The following VSNL1 variants were observed in gnomAD, a reference collection of about 807,000 sequenced individuals.
The protein encoded by VSNL1 is visinin like 1, also known as visinin-like protein 1.
A neutral mutation model predicts 20.4 loss-of-function variants in VSNL1; 6 were observed. That is an observed-to-expected ratio of 0.29 (90% confidence interval 0.16 to 0.58). The LOEUF is 0.58. Among genes scored for constraint, VSNL1 ranks in the 20% least tolerant of loss-of-function variants. The pLI is 0.90. For missense variants in VSNL1, 100 were observed against 234.5 expected (o/e 0.43, Z 3.75); for synonymous variants, 93 against 86.4 (o/e 1.08, Z -0.42).
rs576407436 is a variant in VSNL1 at position 17,634,845 on chromosome 2, C to A, written c.163-14565C>A. Among the ~76,000 whole-genome samples the A allele has an allele frequency of 6.6e-6, 1 of 152,276 alleles. No homozygotes were observed. Among genetic ancestry groups the A allele is most frequent in the Non-Finnish European group, 1.5e-5 (1 of 68,028 alleles). On this transcript the variant is annotated intron_variant, in intron 2 of 3. Coordinates refer to ENST00000295156, the MANE Select transcript of VSNL1 (RefSeq NM_003385.5). This position sits in a 1 kb window ranked among gnomAD's most constrained non-coding sequence, Gnocchi z 4.3. ...GGAACCCCTCAAACCCCAGCCAGAGCCTCCTTGTCCCATGGGTCCCGCTGC... is the reference window on the plus strand; with the variant it reads ...GGAACCCCTCAAACCCCAGCCAGAGACTCCTTGTCCCATGGGTCCCGCTGC...
At chr2:17,605,225 G>C (rs1383605121) in intron 2 of VSNL1, among the ~76,000 whole-genome samples, 1 of 152,230 alleles carries the variant, frequency 6.6e-6, no homozygotes, top group Non-Finnish European at 1.5e-5. Context: ...TGGCACTGCT[G>C]TCTGATTATG....
At chr2:17,569,311 AAAAAAT>A (rs1664027255) in intron 1 of VSNL1, among the ~76,000 whole-genome samples, 1 of 151,592 alleles carries the variant, frequency 6.6e-6, no homozygotes, top group African/African-American at 2.4e-5. Context: ...TGTCTCAAAA[AAAAAAT>A]AAAAATAAAA....
intron 2 of VSNL1, among the ~76,000 whole-genome samples, chr2:17,626,956 G>T (rs1357729367): frequency 6.6e-6 from 1 of 152,218 alleles, no homozygotes; most frequent in Non-Finnish European, 1.5e-5. Context: ...TCTGGGTGGG[G>T]TTGCCCCAAG....
At chr2:17,547,687 C>T (rs1246042107) in intron 1 of VSNL1, among the ~76,000 whole-genome samples, 1 of 152,032 alleles carries the variant, frequency 6.6e-6, no homozygotes, top group Non-Finnish European at 1.5e-5. Flanking sequence ...CAGATTTTCT[C>T]TTATTCCTTC....
chr2:17,650,671 A>G (rs965952004), intron 3 of VSNL1, among the ~76,000 whole-genome samples: 1 of 152,192 alleles, frequency 6.6e-6, no homozygotes, highest in Non-Finnish European at 1.5e-5. Flanking sequence ...GGATCCCCAC[A>G]AGAAAATGGG....
intron 1 of VSNL1, among the ~76,000 whole-genome samples, chr2:17,568,424 T>C (rs1035302076): frequency 2.0e-5 from 3 of 152,150 alleles, no homozygotes; most frequent in Admixed American, 1.3e-4. Context: ...CATGCCACTA[T>C]GCCAGACAAG....
chr2:17,602,106 C>A (rs776827624), intron 2 of VSNL1, among the ~76,000 whole-genome samples: 2 of 152,148 alleles, frequency 1.3e-5, no homozygotes, highest in Non-Finnish European at 2.9e-5. Context: ...TATCACTGAC[C>A]CACCTTGGGT....
intron 2 of VSNL1, among the ~76,000 whole-genome samples, chr2:17,647,379 G>A (rs141826982): frequency 1.3e-5 from 2 of 152,184 alleles, no homozygotes; most frequent in East Asian, 3.9e-4. Context: ...CCAGGGGCTC[G>A]CTCTGCTCCA....
intron 1 of VSNL1, among the ~76,000 whole-genome samples, chr2:17,580,835 T>C (rs899124528): frequency 3.9e-5 from 6 of 152,220 alleles, no homozygotes; most frequent in African/African-American, 1.2e-4. Flanking sequence ...GTGCATTTAT[T>C]TGTTTGCTGA....
intron 1 of VSNL1, among the ~76,000 whole-genome samples, chr2:17,572,562 C>CTT (rs1381371296): frequency 6.6e-6 from 1 of 152,156 alleles, no homozygotes; most frequent in African/African-American, 2.4e-5. Flanking sequence ...GAGACAGCCT[C>CTT]TTGTTTCATG....
chr2:17,573,910 T>C (rs977635389), intron 1 of VSNL1, among the ~76,000 whole-genome samples: 1 of 152,248 alleles, frequency 6.6e-6, no homozygotes, highest in Non-Finnish European at 1.5e-5. Context: ...AGCTAGGATA[T>C]TTTGGTTCCC....
In VSNL1 at chr2:17,649,441, C is replaced by A; in HGVS notation, c.194C>A (p.Ala65Asp). The change falls in exon 3 of 4, where the codon GCC becomes GAC. Residue 65 changes from alanine (A) to aspartate (D), a missense_variant. Ala to Asp is a moderately radical substitution (Grantham distance 126). Transcript: ENST00000295156. This position sits in a 1 kb window ranked among gnomAD's most constrained non-coding sequence, Gnocchi z 6.4. Reference protein sequence around the residue: ...FFPYGDASKFAQHAFRTFDKN... With the variant: ...FFPYGDASKFDQHAFRTFDKN... ...CCTTATGGAGACGCCTCCAAGTTTG[C>A]CCAGCATGCCTTCCGAACCTTCGAC... is the stretch of plus-strand genomic sequence containing the variant. 2 of 1,614,228 alleles carry A rather than the reference C, an allele frequency of 1.2e-6. No homozygotes were observed. The highest frequency in any genetic ancestry group is 1.7e-6 in the Non-Finnish European group (2 of 1,180,042).
rs1572208917 is a variant in VSNL1 at position 17,628,285 on chromosome 2, C to T, written c.163-21125C>T. 2.6e-5 allele frequency among the ~76,000 whole-genome samples: 4 copies of T among 152,266 alleles called. No homozygotes were observed. In the Middle Eastern group the frequency reaches 0.014, roughly 518 times the overall value. On this transcript the variant is annotated intron_variant, in intron 2 of 3. Coordinates refer to ENST00000295156, the MANE Select transcript of VSNL1 (RefSeq NM_003385.5). ...GGATATCTAACAGTTGTTAAATTGA[C>T]CTAGCATTGGAGGCAGAGGAGTGTG...
At chr2:17,642,971 GAGA>G (rs1219396831) in intron 2 of VSNL1, among the ~76,000 whole-genome samples, 1 of 152,066 alleles carries the variant, frequency 6.6e-6, no homozygotes, top group East Asian at 1.9e-4. Flanking sequence ...GGGCAGCTCT[GAGA>G]AGCAACCTTA....
At chr2:17,607,943 C>T (rs1157665632) in intron 2 of VSNL1, among the ~76,000 whole-genome samples, 1 of 152,084 alleles carries the variant, frequency 6.6e-6, no homozygotes, top group African/African-American at 2.4e-5. Flanking sequence ...CATAACATCC[C>T]CCATTCTGAG....
intron 2 of VSNL1, among the ~76,000 whole-genome samples, chr2:17,617,660 T>C (rs1328075939): frequency 6.6e-6 from 1 of 152,028 alleles, no homozygotes; most frequent in East Asian, 1.9e-4. Context: ...TGCCAGGGTG[T>C]GGTGCTGCCG....
chr2:17,591,532 A>G (rs1426423601), intron 1 of VSNL1, among the ~76,000 whole-genome samples: 1 of 152,200 alleles, frequency 6.6e-6, no homozygotes, highest in African/African-American at 2.4e-5. Flanking sequence ...TAATAGAAAT[A>G]GCTGTTTTTA....
At chr2:17,654,108 T>C (rs906055171) in intron 3 of VSNL1, among the ~76,000 whole-genome samples, 1 of 152,254 alleles carries the variant, frequency 6.6e-6, no homozygotes, top group African/African-American at 2.4e-5. Context: ...TTGTTTACAG[T>C]TGATGAGCAC....
At chr2:17,594,893 T>C (rs1375909842) in intron 2 of VSNL1, among the ~76,000 whole-genome samples, 1 of 152,226 alleles carries the variant, frequency 6.6e-6, no homozygotes, top group Non-Finnish European at 1.5e-5. Flanking sequence ...GCAGATATAT[T>C]TTTAAAAGCA....
Sources: gnomAD v4.1 joint callset for allele counts (sites outside exome capture counted in the v4.1 genomes callset) on GRCh38, gnomAD v4.1.1 for gene constraint, Gnocchi (gnomAD v3.1) non-coding constraint, MANE v1.5 for transcripts, NCBI Gene and HGNC (gene_info 2026-07-23, HGNC 2026-07-21) for gene names.